Variants in GABRA2 observed in about 807,000 individuals in gnomAD.
The protein encoded by GABRA2 is gamma-aminobutyric acid type A receptor subunit alpha2.
In GABRA2, 16 loss-of-function variants were observed where a neutral mutation model predicts 48.7. That is an observed-to-expected ratio of 0.33 (90% confidence interval 0.22 to 0.50). The LOEUF (loss-of-function observed/expected upper bound fraction) is 0.50. Ranked by LOEUF, GABRA2 falls within the 20% of genes least tolerant of loss-of-function variation. The pLI is 0.98. For synonymous variants in GABRA2, 185 were observed against 184.5 expected (o/e 1.00, Z -0.02); for missense variants, 275 against 535.6 (o/e 0.51, Z 4.80).
At chr4:46,265,531 C>T (rs1718041387) in intron 8 of GABRA2, among the ~76,000 whole-genome samples, 1 of 133,382 alleles carries the variant, frequency 7.5e-6, no homozygotes, top group Admixed American at 7.2e-5. Context: ...AAGTGATGTC[C>T]CATCTTCTTT....
intron 8 of GABRA2, among the ~76,000 whole-genome samples, chr4:46,268,019 A>G (rs1718590469): frequency 6.6e-6 from 1 of 152,022 alleles, no homozygotes; most frequent in Non-Finnish European, 1.5e-5. Flanking sequence ...GATAAGGGAT[A>G]GTCGACCTGT....
At chr4:46,351,975 T>TTG (rs1491142498) in intron 3 of GABRA2, among the ~76,000 whole-genome samples, 16 of 92,194 alleles carry the variant, frequency 1.7e-4, no homozygotes, top group African/African-American at 1.0e-3. Flanking sequence ...AAAAACTGGG[T>TTG]TTTTTTTTTT....
At chr4:46,361,695 G>A (rs1713218234) in intron 3 of GABRA2, among the ~76,000 whole-genome samples, 1 of 152,192 alleles carries the variant, frequency 6.6e-6, no homozygotes, top group African/African-American at 2.4e-5. Context: ...CCATGCAACT[G>A]AAAAAGCTGA....
chr4:46,250,210 G>T lies in GABRA2; in HGVS notation c.*98C>A. On this transcript the variant is annotated 3_prime_UTR_variant, in exon 10 of 10. Transcript: ENST00000381620. ...ATGTCACTATATACATACTGTACATGTTGGATCACAAATTAGCAGTTATTA... is the reference window on the plus strand; with the variant it reads ...ATGTCACTATATACATACTGTACATTTTGGATCACAAATTAGCAGTTATTA... 2 of 996,484 alleles carry T rather than the reference G, an allele frequency of 2.0e-6. No individual in the cohort carries two copies. Among genetic ancestry groups the T allele is most frequent in the Non-Finnish European group, 3.0e-6 (2 of 659,500 alleles). The allele number at this position is 996,484 out of a possible 1,614,324, so 61.7% of individuals were successfully genotyped here. A position where few individuals can be genotyped will look rare whatever the true frequency, so the allele number is the denominator to read the frequency against.
At chr4:46,336,129 A>G (rs1732194489) in intron 3 of GABRA2, among the ~76,000 whole-genome samples, 1 of 152,160 alleles carries the variant, frequency 6.6e-6, no homozygotes, top group South Asian at 2.1e-4. Context: ...AGGGCTTACT[A>G]CAATGTCTAT....
chr4:46,387,141 C>A (rs1399685589), intron 2 of GABRA2, among the ~76,000 whole-genome samples: 1 of 151,626 alleles, frequency 6.6e-6, no homozygotes, highest in Non-Finnish European at 1.5e-5. Flanking sequence ...AAATTGCTGG[C>A]CCCAAAAAAG....
intron 3 of GABRA2, among the ~76,000 whole-genome samples, chr4:46,362,107 G>C (rs898675405): frequency 6.6e-6 from 1 of 152,116 alleles, no homozygotes; most frequent in Non-Finnish European, 1.5e-5. Flanking sequence ...GGGACTGTTG[G>C]GAAGGCATAA....
intron 6 of GABRA2, among the ~76,000 whole-genome samples, chr4:46,306,771 T>A (rs1397444435): frequency 2.0e-5 from 3 of 152,152 alleles, no homozygotes; most frequent in Non-Finnish European, 4.4e-5. Flanking sequence ...GGAAATCTCA[T>A]TCTCTGCAAT....
At chr4:46,286,739 T>C (rs1362298011) in intron 8 of GABRA2, among the ~76,000 whole-genome samples, 1 of 152,180 alleles carries the variant, frequency 6.6e-6, no homozygotes. Context: ...ATGTCAGTTG[T>C]ATACTTCCTT....
chr4:46,243,743 C>G lies in GABRA2; in HGVS notation c.*6565G>C, dbSNP rs1217968367. On this transcript the variant is annotated 3_prime_UTR_variant, in exon 10 of 10. Coordinates refer to ENST00000381620, the MANE Select transcript of GABRA2 (RefSeq NM_000807.4). ...GAGTTATTTTCATGAACCAGAAAAC[C>G]TACCAATAAGTATACTGTCACCCAG... 6.6e-6 allele frequency: 1 copy of G among 151,314 alleles called. No homozygotes were observed. The highest frequency in any genetic ancestry group is 1.5e-5 in the Non-Finnish European group (1 of 67,552). 9.4% of individuals were successfully genotyped at this position (151,314 alleles called of 1,614,324 possible). A position where few individuals can be genotyped will look rare whatever the true frequency, so the allele number is the denominator to read the frequency against.
intron 9 of GABRA2, among the ~76,000 whole-genome samples, chr4:46,257,490 C>T (rs1716072449): frequency 6.6e-6 from 1 of 151,428 alleles, no homozygotes; most frequent in African/African-American, 2.4e-5. Context: ...TGATTCTGAC[C>T]AAGTAACTTT....
Position 46,389,912 on chromosome 4 carries a change from C to A in GABRA2, c.-188G>T. 1 of 979,610 alleles carries A rather than the reference C, an allele frequency of 1.0e-6. No individual in the cohort carries two copies. Among genetic ancestry groups the A allele is most frequent in the South Asian group, 4.7e-5 (1 of 21,372 alleles). The allele number at this position is 979,610 out of a possible 1,614,324, so 60.7% of individuals were successfully genotyped here. A position where few individuals can be genotyped will look rare whatever the true frequency, so the allele number is the denominator to read the frequency against. ...CGTGGAGCGATGGGCTGGTGGAAGCCGGAGAGGAGCGCTAGGAGCCGCGGC... is the reference window on the plus strand; with the variant it reads ...CGTGGAGCGATGGGCTGGTGGAAGCAGGAGAGGAGCGCTAGGAGCCGCGGC... On this transcript the variant is annotated 5_prime_UTR_variant, in exon 1 of 10. Coordinates refer to ENST00000381620, the MANE Select transcript of GABRA2 (RefSeq NM_000807.4).
intron 7 of GABRA2, among the ~76,000 whole-genome samples, chr4:46,303,943 A>C (rs1053159550): frequency 6.6e-6 from 1 of 152,186 alleles, no homozygotes; most frequent in Non-Finnish European, 1.5e-5. Flanking sequence ...GAGCATCCCT[A>C]ATCAAAATAT....
rs192654160 is a variant in GABRA2, at chr4:46,303,647, A to C, written c.704-35T>G. The C allele has an allele frequency of 3.3e-5, 53 of 1,582,448 alleles. No individual in the cohort carries two copies. The East Asian group carries it at 1.1e-3, about 33-fold the overall frequency. ...AAATTTAAGAAGCTCAAGGAGTAAT[A>C]GTCAATACTTTGAACATTTAGGAAA... On this transcript the variant is annotated intron_variant, in intron 7 of 9. Coordinates refer to ENST00000381620, the MANE Select transcript of GABRA2 (RefSeq NM_000807.4).
intron 9 of GABRA2, among the ~76,000 whole-genome samples, chr4:46,255,078 A>G (rs745938597): frequency 1.8e-4 from 27 of 151,566 alleles, no homozygotes; most frequent in Non-Finnish European, 3.4e-4. Context: ...GCTTGCCTCT[A>G]TAATGAAACA....
chr4:46,389,656 TG>T (rs1260944790), intron 1 of GABRA2, 78 bp downstream of exon 1: 7 of 790,466 alleles, frequency 8.9e-6, no homozygotes, highest in Non-Finnish European at 1.1e-5. Context: ...GAAAGTGGGG[TG>T]GGGGGAGATG....
intron 9 of GABRA2, among the ~76,000 whole-genome samples, chr4:46,260,218 A>G (rs898293323): frequency 1.7e-4 from 26 of 151,884 alleles, no homozygotes; most frequent in African/African-American, 5.8e-4. Context: ...GCAATGTCTG[A>G]TATATTGTTT....
chr4:46,356,053 C>A (rs1411592988), intron 3 of GABRA2, among the ~76,000 whole-genome samples: 1 of 152,092 alleles, frequency 6.6e-6, no homozygotes, highest in Non-Finnish European at 1.5e-5. Flanking sequence ...CATAAGGTGC[C>A]AACACTATAC....
rs1280724499 is a variant in GABRA2 at position 46,249,602 on chromosome 4, A to G, written c.*706T>C. On this transcript the variant is annotated 3_prime_UTR_variant, in exon 10 of 10. Coordinates refer to ENST00000381620, the MANE Select transcript of GABRA2 (RefSeq NM_000807.4). ...GTTTCCAATGATTAAAATAAATTGT[A>G]GGATTTCAATTATTACTTTCAAATA... is the stretch of plus-strand genomic sequence containing the variant. 1 of 151,440 alleles carries G rather than the reference A, an allele frequency of 6.6e-6. No individual in the cohort carries two copies. Among genetic ancestry groups the G allele is most frequent in the Non-Finnish European group, 1.5e-5 (1 of 67,664 alleles). The allele number at this position is 151,440 out of a possible 1,614,324, so 9.4% of individuals were successfully genotyped here.
Sources: gnomAD v4.1 joint callset for allele counts (sites outside exome capture counted in the v4.1 genomes callset) on GRCh38, gnomAD v4.1.1 for gene constraint, MANE v1.5 for transcripts, NCBI Gene and HGNC (gene_info 2026-07-23, HGNC 2026-07-21) for gene names.